Variants in CLASP1 observed in about 807,000 individuals in gnomAD.
The protein encoded by CLASP1 is CLIP-associating protein 1.
In CLASP1, 38 loss-of-function variants were observed where a neutral mutation model predicts 192.3. That is an observed-to-expected ratio of 0.20 (90% CI 0.15 to 0.26). The LOEUF (loss-of-function observed/expected upper bound fraction) is 0.26. CLASP1 is among the 10% of genes least tolerant of loss of function. The pLI is 1.00. For synonymous variants in CLASP1, 691 were observed against 712.8 expected (o/e 0.97, Z 0.49); for missense variants, 1,433 against 1,932.5 (o/e 0.74, Z 4.85).
intron 4 of CLASP1, 69 bp from the exon 5 acceptor site, chr2:121,527,959 T>A: frequency 7.7e-7 from 1 of 1,291,696 alleles, no homozygotes; most frequent in Non-Finnish European, 1.1e-6. Context: ...AAGGGAGCAA[T>A]AGAAGGCAAG....
chr2:121,351,117 C>T (rs1388361165), intron 37 of CLASP1, among the ~76,000 whole-genome samples: 1 of 152,168 alleles, frequency 6.6e-6, no homozygotes, highest in Admixed American at 6.5e-5. Context: ...CCCACCCCAG[C>T]ATACGGGAGG....
At chr2:121,525,365 TGAG>T (rs2094550859) in intron 6 of CLASP1, among the ~76,000 whole-genome samples, 2 of 152,160 alleles carry the variant, frequency 1.3e-5, no homozygotes, top group African/African-American at 4.8e-5. Flanking sequence ...AGGGTTCAGT[TGAG>T]GAGTTTCCAC....
At chr2:121,628,001 C>A (rs2068705395) in intron 1 of CLASP1, among the ~76,000 whole-genome samples, 1 of 152,164 alleles carries the variant, frequency 6.6e-6, no homozygotes, top group Admixed American at 6.5e-5. Flanking sequence ...ACCCTGTCCA[C>A]CACTATTCAA....
rs570688162 is a variant in CLASP1 at position 121,528,024 on chromosome 2, C to A, written c.379-134G>T. 1.7e-4 allele frequency: 106 copies of A among 613,252 alleles called. No homozygotes were observed. The African/African-American group carries it at 1.8e-3, about 11-fold the overall frequency. 38.0% of individuals were successfully genotyped at this position (613,252 alleles called of 1,614,324 possible). Reference sequence around the variant, plus strand: ...CCTCTACCAACACATTTAATCCTCTCGAGAGCATACTGGAAAATGATGACA... The same window carrying A: ...CCTCTACCAACACATTTAATCCTCTAGAGAGCATACTGGAAAATGATGACA... On this transcript the variant is annotated intron_variant, in intron 4 of 39. Transcript: ENST00000263710.
chr2:121,351,129 G>A (rs1331857568), intron 37 of CLASP1, among the ~76,000 whole-genome samples: 2 of 152,116 alleles, frequency 1.3e-5, no homozygotes, highest in African/African-American at 4.8e-5. Flanking sequence ...TACGGGAGGT[G>A]CTCCGTGGTA....
At chr2:121,587,053 C>T (rs1308684131) in intron 2 of CLASP1, among the ~76,000 whole-genome samples, 2 of 151,884 alleles carry the variant, frequency 1.3e-5, no homozygotes, top group Non-Finnish European at 2.9e-5. Flanking sequence ...CCAGCCTGGC[C>T]AGCATGGTGA....
At chr2:121,642,568 C>A (rs1183334453) in intron 1 of CLASP1, among the ~76,000 whole-genome samples, 1 of 150,550 alleles carries the variant, frequency 6.6e-6, no homozygotes, top group Non-Finnish European at 1.5e-5. Flanking sequence ...TCTGTAACTA[C>A]TAAAAATACA....
intron 30 of CLASP1, among the ~76,000 whole-genome samples, chr2:121,394,207 T>C (rs10166411): frequency 1.3e-5 from 2 of 152,172 alleles, no homozygotes; most frequent in Admixed American, 6.5e-5. Flanking sequence ...AAAAATGTAA[T>C]TGAGGCCCTT....
intron 34 of CLASP1, among the ~76,000 whole-genome samples, chr2:121,372,060 T>C (rs1042975678): frequency 2.0e-5 from 3 of 152,202 alleles, no homozygotes; most frequent in African/African-American, 7.2e-5. Flanking sequence ...AACATGGAAA[T>C]CCAGTGAGCC....
intron 1 of CLASP1, among the ~76,000 whole-genome samples, chr2:121,622,559 C>T (rs972042920): frequency 5.6e-5 from 8 of 142,566 alleles, no homozygotes; most frequent in African/African-American, 1.2e-4. Flanking sequence ...ACGAGTGAGA[C>T]CCTGTCTCAA....
rs141182165 is a variant in CLASP1 at position 121,427,347 on chromosome 2, C to T, written c.2044+57G>A. 1.4e-4 allele frequency: 218 copies of T among 1,587,042 alleles called. 4 individuals are homozygous for T. In the South Asian group the frequency reaches 2.2e-3, roughly 16 times the overall value. On this transcript the variant is annotated intron_variant, in intron 21 of 39. Coordinates refer to ENST00000263710, the Ensembl canonical transcript of CLASP1. ...TAATATTGTGCAAGGAACATGGGGT[C>T]GGGGAGAATGCCAACAACAACAACA...
rs188989668 is a variant in CLASP1 at position 121,536,474 on chromosome 2, A to G, written c.196-6149T>C. Among the ~76,000 whole-genome samples, 309 of 152,268 alleles carry G rather than the reference A, an allele frequency of 2.0e-3. 1 individual carries two copies. Among genetic ancestry groups the G allele is most frequent in the African/African-American group, 7.1e-3 (296 of 41,536 alleles). On this transcript the variant is annotated intron_variant, in intron 2 of 39. Coordinates refer to ENST00000263710, the Ensembl canonical transcript of CLASP1. ...GCATATACCCAAAAGAAGTAAAAGCAGAGTTTCCAAAGACAGTTGTAAACC... is the reference window on the plus strand; with the variant it reads ...GCATATACCCAAAAGAAGTAAAAGCGGAGTTTCCAAAGACAGTTGTAAACC...
chr2:121,367,493 T>A, intron 35 of CLASP1, 95 bp downstream of exon 36: 1 of 1,522,154 alleles, frequency 6.6e-7, no homozygotes, highest in East Asian at 2.3e-5. Flanking sequence ...AGCGTCTCCA[T>A]TTACATCTGA....
intron 34 of CLASP1, among the ~76,000 whole-genome samples, chr2:121,371,199 A>AAG (rs1390231811): frequency 1.3e-5 from 2 of 148,228 alleles, no homozygotes; most frequent in African/African-American, 5.1e-5. Context: ...GGCACATATT[A>AAG]AGTGTGTGTG....
At chr2:121,527,484 G>A (rs906065730) in intron 5 of CLASP1, among the ~76,000 whole-genome samples, 1 of 152,178 alleles carries the variant, frequency 6.6e-6, no homozygotes, top group African/African-American at 2.4e-5. Flanking sequence ...GGTTGCCAGG[G>A]GTCAGGGTGC....
chr2:121,572,040 A>G (rs1042928538), intron 2 of CLASP1, among the ~76,000 whole-genome samples: 1 of 152,190 alleles, frequency 6.6e-6, no homozygotes, highest in Non-Finnish European at 1.5e-5. Flanking sequence ...AAGCAGCTTC[A>G]AAAGGCTAAG....
chr2:121,588,959 G>A lies in CLASP1; in HGVS notation c.195+16742C>T, dbSNP rs571992279. On this transcript the variant is annotated intron_variant, in intron 2 of 39. Transcript: ENST00000263710. ...TGAGGGTTTATGGGGATTGTTTGGG[G>A]ATTTGTGATTGTTTTACTCCAAGCT... is the stretch of plus-strand genomic sequence containing the variant. Among the ~76,000 whole-genome samples, 275 of 152,294 alleles carry A rather than the reference G, an allele frequency of 1.8e-3. 1 individual carries two copies. Among genetic ancestry groups the A allele is most frequent in the African/African-American group, 5.2e-3 (218 of 41,572 alleles).
At position 121,528,783 on chromosome 2, in the gene CLASP1, G is replaced by A; in HGVS notation, c.275-3C>T. On this transcript the variant is annotated splice_polypyrimidine_tract_variant and splice_region_variant and intron_variant, in intron 3 of 39. Coordinates refer to ENST00000263710, the Ensembl canonical transcript of CLASP1. ...TCTGTCTATTAGACTTGGCAGCACT[G>A]AAAATCAAAATGGAAACTGATCAAA... 1.2e-6 allele frequency: 2 copies of A among 1,611,372 alleles called. No individual in the cohort carries two copies. Among genetic ancestry groups the A allele is most frequent in the Non-Finnish European group, 1.7e-6 (2 of 1,177,526 alleles).
intron 35 of CLASP1, among the ~76,000 whole-genome samples, chr2:121,365,794 G>A (rs1203541586): frequency 1.3e-5 from 2 of 152,144 alleles, no homozygotes; most frequent in African/African-American, 2.4e-5. Flanking sequence ...TTAGGAACCA[G>A]CATGGTGAAC....
Sources: gnomAD v4.1 joint callset for allele counts (sites outside exome capture counted in the v4.1 genomes callset) on GRCh38, gnomAD v4.1.1 for gene constraint, MANE v1.5 for transcripts, NCBI Gene and HGNC (gene_info 2026-07-23, HGNC 2026-07-21) for gene names.